CSMD2: variants seen among roughly 807,000 people sequenced by gnomAD.
CSMD2 encodes CUB and sushi domain-containing protein 2.
Under a neutral mutation model 398.5 loss-of-function variants are expected in CSMD2, and 130 were observed. The ratio of observed to expected loss-of-function variants is 0.33; its 90% CI spans 0.28 to 0.38. The LOEUF is 0.38. CSMD2 is among the 10% of genes least tolerant of loss of function. CSMD2 has a pLI of 1.00. For missense variants in CSMD2, 3,829 were observed against 4,764.9 expected (o/e 0.80, Z 5.78); for synonymous variants, 1,828 against 1,908.5 (o/e 0.96, Z 1.10).
At position 33,583,829 on chromosome 1, in the gene CSMD2, C is replaced by T. The variant is rs544829238; in HGVS notation, c.7053G>A (p.Val2351=). ...TCAGAAGCTCATTTGTTGGACAGTGCACTTGGAGAAAGAAAGAGAAACACC... is the reference window on the plus strand; with the variant it reads ...TCAGAAGCTCATTTGTTGGACAGTGTACTTGGAGAAAGAAAGAGAAACACC... ...QFEGPPPICE[V]HCPTNELLTD... Residue 2351 remains valine, a splice_region_variant and synonymous_variant, in exon 47 of 71, where the codon GTG becomes GTA. Coordinates refer to ENST00000373381, the MANE Select transcript of CSMD2 (RefSeq NM_001281956.2). 6.2e-7 allele frequency: 1 copy of T among 1,612,178 alleles called. No homozygotes were observed. Among genetic ancestry groups the T allele is most frequent in the East Asian group, 2.2e-5 (1 of 44,844 alleles).
chr1:33,586,763 C>G, intron 45 of CSMD2, 146 bp from the exon 46 acceptor site: 1 of 619,520 alleles, frequency 1.6e-6, no homozygotes, highest in Non-Finnish European at 2.9e-6. Context: ...ATGGCCCAGA[C>G]GACTGCTCCC....
At chr1:33,912,900 C>T (rs1426844604) in intron 5 of CSMD2, among the ~76,000 whole-genome samples, 1 of 152,222 alleles carries the variant, frequency 6.6e-6, no homozygotes, top group Non-Finnish European at 1.5e-5. Flanking sequence ...GCAGCCTCTA[C>T]CTCCAGGGCT....
At chr1:34,062,205 T>C (rs779475979) in intron 2 of CSMD2, among the ~76,000 whole-genome samples, 2 of 152,198 alleles carry the variant, frequency 1.3e-5, no homozygotes, top group African/African-American at 2.4e-5. Context: ...GTGCTGGCAA[T>C]AGCTCAAAGC....
intron 40 of CSMD2, among the ~76,000 whole-genome samples, chr1:33,612,712 T>TG (rs1376079500): frequency 4.0e-5 from 6 of 150,980 alleles, no homozygotes; most frequent in African/African-American, 1.5e-4. Flanking sequence ...GACAGAGTCT[T>TG]GTTCGGTCGC....
At chr1:34,114,729 A>G (rs543032914) in intron 1 of CSMD2, among the ~76,000 whole-genome samples, 6 of 152,324 alleles carry the variant, frequency 3.9e-5, no homozygotes, top group South Asian at 2.1e-4. Context: ...TACATAATAA[A>G]TCTTCAGAAA....
intron 3 of CSMD2, among the ~76,000 whole-genome samples, chr1:33,976,072 C>A (rs1234557645): frequency 6.6e-6 from 1 of 152,188 alleles, no homozygotes; most frequent in African/African-American, 2.4e-5. Flanking sequence ...TGATCATTCC[C>A]AACCCTTCGA....
At position 33,601,114 on chromosome 1, in the gene CSMD2, T is replaced by C. The variant is rs1640188137; in HGVS notation, c.6711-104A>G. ...AAGACAGACCTGGAGTGGGAGGCTA[T>C]GATTCTTTTTGTACCAACACTTCCC... On this transcript the variant is annotated intron_variant, in intron 43 of 70. Transcript: ENST00000373381. 4 of 1,448,892 alleles carry C rather than the reference T, an allele frequency of 2.8e-6. No homozygotes were observed. The African/African-American group carries it at 4.2e-5, about 15-fold the overall frequency. The allele number at this position is 1,448,892 out of a possible 1,614,324, so 89.8% of individuals were successfully genotyped here. A position where few individuals can be genotyped will look rare whatever the true frequency, so the allele number is the denominator to read the frequency against.
intron 28 of CSMD2, among the ~76,000 whole-genome samples, chr1:33,651,093 T>G (rs1389551065): frequency 6.6e-6 from 1 of 152,128 alleles, no homozygotes; most frequent in Non-Finnish European, 1.5e-5. Flanking sequence ...CATTTTTGAG[T>G]GACACGATCA....
At chr1:33,769,176 G>T (rs997941787) in intron 13 of CSMD2, among the ~76,000 whole-genome samples, 1 of 152,220 alleles carries the variant, frequency 6.6e-6, no homozygotes, top group African/African-American at 2.4e-5. Flanking sequence ...GGACAAGATT[G>T]TATGGGAAAT....
rs771460298 is a variant in CSMD2 at position 33,739,129 on chromosome 1, C to T, written c.2368+11G>A. The T allele has an allele frequency of 1.2e-6, 2 of 1,606,784 alleles. No homozygotes were observed. The highest frequency in any genetic ancestry group is 1.1e-5 in the South Asian group (1 of 89,726). ...GACAATGGCCACTGCTCCCAGCCTG[C>T]AGGCTCGTACCTTCACACCGCAGCA... On this transcript the variant is annotated intron_variant, in intron 15 of 70. Transcript: ENST00000373381.
At position 33,638,414 on chromosome 1, in the gene CSMD2, G is replaced by A. The variant is rs1240708337; in HGVS notation, c.4775-1860C>T. 3.3e-5 allele frequency among the ~76,000 whole-genome samples: 5 copies of A among 152,162 alleles called. No homozygotes were observed. In the East Asian group the frequency reaches 5.8e-4, roughly 18 times the overall value. The stretch of plus-strand genomic sequence containing the variant: ...ATCAAAGTTCACACAGCTCATAAGA[G>A]GCAAAACTAGCTGTAGTCCCCAATA... On this transcript the variant is annotated intron_variant, in intron 29 of 70. Coordinates refer to ENST00000373381, the MANE Select transcript of CSMD2 (RefSeq NM_001281956.2).
Position 33,586,615 on chromosome 1 carries a change from C to A in CSMD2, c.6940G>T (p.Asp2314Tyr). ...GGGAGGCATCTGTAGCGTACGATGT[C>A]ACCTGTCAAAGAAAGACCAACATGT... ...VTENEEFNIGDIVRYRCLPGF... is the reference protein window; with the variant it reads ...VTENEEFNIGYIVRYRCLPGF... The change falls in exon 46 of 71, where the codon GAC becomes TAC. Residue 2314 changes from aspartate (D) to tyrosine (Y), a missense_variant and splice_region_variant. Transcript: ENST00000373381. 1.2e-6 allele frequency: 2 copies of A among 1,606,808 alleles called. No homozygotes were observed. The highest frequency in any genetic ancestry group is 2.2e-5 in the South Asian group (2 of 90,836).
At position 33,533,199 on chromosome 1, in the gene CSMD2, G is replaced by C. The variant is rs189523744; in HGVS notation, c.10022C>G (p.Thr3341Arg). The C allele has an allele frequency of 6.2e-7, 1 of 1,614,008 alleles. No homozygotes were observed. The highest frequency in any genetic ancestry group is 8.5e-7 in the Non-Finnish European group (1 of 1,180,006). The change falls in exon 64 of 71, where the codon ACG becomes AGG. Residue 3341 changes from threonine to arginine, a missense_variant. By Grantham distance (71) the Thr-to-Arg change is moderately conservative. Transcript: ENST00000373381. This position sits in a 1 kb window ranked among gnomAD's most constrained non-coding sequence, Gnocchi z 4.2. Reference sequence around the variant, plus strand: ...ATCCAGGGCCCCGACGTTGGCATGCGTTGGCGTCTCTGGCTGCCTGCAGTG... The same window carrying C: ...ATCCAGGGCCCCGACGTTGGCATGCCTTGGCGTCTCTGGCTGCCTGCAGTG... ...PHHCRQPETP[T>R]HANVGALDLP...
chr1:33,870,067 T>C (rs190236706), intron 5 of CSMD2: 107 of 152,266 alleles, frequency 7.0e-4, no homozygotes, highest in Middle Eastern at 3.4e-3. Context: ...ATATCAATTA[T>C]TTGAGGGCAA....
intron 3 of CSMD2, among the ~76,000 whole-genome samples, chr1:33,938,649 T>C (rs1644562859): frequency 6.6e-6 from 1 of 151,506 alleles, no homozygotes; most frequent in South Asian, 2.1e-4. Flanking sequence ...GTTGGCTTAC[T>C]TGGTACTTCC....
intron 1 of CSMD2, among the ~76,000 whole-genome samples, chr1:34,095,891 T>A (rs568692967): frequency 2.6e-5 from 4 of 152,038 alleles, no homozygotes; most frequent in Non-Finnish European, 4.4e-5. Context: ...AAAGAAGGAA[T>A]CCTCCCTAAC....
At chr1:33,849,814 A>G (rs1638569467) in intron 5 of CSMD2, among the ~76,000 whole-genome samples, 2 of 152,304 alleles carry the variant, frequency 1.3e-5, no homozygotes, top group Admixed American at 1.3e-4. Flanking sequence ...ATAAGTAAAT[A>G]GGTAAATAAA....
intron 3 of CSMD2, among the ~76,000 whole-genome samples, chr1:33,994,991 A>C (rs1646679972): frequency 6.6e-6 from 1 of 151,778 alleles, no homozygotes; most frequent in South Asian, 2.1e-4. Context: ...TTGAACCAGG[A>C]AGTCAGATGT....
At chr1:33,866,548 C>T (rs763540285) in intron 5 of CSMD2, among the ~76,000 whole-genome samples, 23 of 152,228 alleles carry the variant, frequency 1.5e-4, no homozygotes, top group African/African-American at 4.1e-4. Context: ...TCTCAGGAGA[C>T]GCCCGCATTT....
Sources: allele counts gnomAD v4.1 joint callset (sites outside exome capture counted in the v4.1 genomes callset), GRCh38; gene constraint gnomAD v4.1.1; non-coding constraint Gnocchi (gnomAD v3.1); transcripts MANE v1.5; gene names NCBI Gene and HGNC (gene_info 2026-07-23, HGNC 2026-07-21).